Variants in CNTN6 observed in about 807,000 individuals in gnomAD.
CNTN6 encodes the protein contactin-6.
Under a neutral mutation model 122.8 loss-of-function variants are expected in CNTN6, and 137 were observed. That is an observed-to-expected ratio of 1.12 (90% CI 0.97 to 1.29). CNTN6 has a LOEUF of 1.29. Ranked by LOEUF, CNTN6 falls within the 50% of genes most tolerant of loss-of-function variation. CNTN6 has a pLI of 0.00. For synonymous variants in CNTN6, 570 were observed against 426.0 expected, an observed-to-expected ratio of 1.34 and a Z score of -4.16; for missense variants, 1,634 against 1,223.4, an observed-to-expected ratio of 1.34 and a Z score of -5.01.
intron 1 of CNTN6, among the ~76,000 whole-genome samples, chr3:1,127,312 T>C (rs981150073): frequency 2.0e-5 from 3 of 151,810 alleles, no homozygotes; most frequent in Admixed American, 6.6e-5. Context: ...TACTAGTATA[T>C]ACCAATGACA....
At chr3:1,242,587 C>T (rs557420844) in intron 4 of CNTN6, among the ~76,000 whole-genome samples, 13 of 152,116 alleles carry the variant, frequency 8.5e-5, no homozygotes, top group Middle Eastern at 6.8e-3. Context: ...TAGATTTTAA[C>T]GGGATGGTAA....
chr3:1,321,682 A>T lies in CNTN6; in HGVS notation c.794A>T (p.Asp265Val). The change falls in exon 8 of 23, where the codon GAC becomes GTC. Residue 265 changes from aspartate (D) to valine (V), a missense_variant. Physicochemically the swap from Asp to Val is radical, Grantham distance 152. Coordinates refer to ENST00000446702, the MANE Select transcript of CNTN6 (RefSeq NM_001289080.2). ...PVPDISWRRL[D>V]GSPLPGKVKY... The stretch of plus-strand genomic sequence containing the variant: ...CCCGATATTAGTTGGAGAAGGTTGG[A>T]CGGGAGCCCGTTGCCAGGGAAAGTC... The T allele has an allele frequency of 6.2e-7, 1 of 1,611,504 alleles. No homozygotes were observed. Among genetic ancestry groups the T allele is most frequent in the South Asian group, 1.1e-5 (1 of 90,986 alleles).
chr3:1,119,210 G>A (rs1331069733), intron 1 of CNTN6, among the ~76,000 whole-genome samples: 1 of 150,746 alleles, frequency 6.6e-6, no homozygotes, highest in Admixed American at 6.6e-5. Flanking sequence ...TTTTTAAGTT[G>A]GTAGATGTAG....
At chr3:1,208,676 AC>A (rs1224610402) in intron 2 of CNTN6, among the ~76,000 whole-genome samples, 1 of 151,994 alleles carries the variant, frequency 6.6e-6, no homozygotes, top group Non-Finnish European at 1.5e-5. Context: ...GAGCCTCACC[AC>A]CCTTTAGCTA....
At chr3:1,166,664 C>T (rs2093256041) in intron 2 of CNTN6, among the ~76,000 whole-genome samples, 1 of 152,106 alleles carries the variant, frequency 6.6e-6, no homozygotes, top group African/African-American at 2.4e-5. Context: ...CAATTAAAGA[C>T]ACCTGTGGCA....
At chr3:1,287,603 G>A (rs950164987) in intron 5 of CNTN6, among the ~76,000 whole-genome samples, 1 of 152,202 alleles carries the variant, frequency 6.6e-6, no homozygotes, top group African/African-American at 2.4e-5. Flanking sequence ...GCTTTGCAAA[G>A]TACAAGTCAA....
intron 4 of CNTN6, among the ~76,000 whole-genome samples, chr3:1,241,184 T>C (rs2094478137): frequency 6.6e-6 from 1 of 152,156 alleles, no homozygotes; most frequent in African/African-American, 2.4e-5. Context: ...TCTGGATGTA[T>C]ACGTGCAAGT....
In CNTN6 at chr3:1,402,442, G is replaced by A. The variant is rs1443908733; in HGVS notation, c.2942G>A (p.Gly981Glu). Residue 981 changes from glycine (G) to glutamate (E), a missense_variant, in exon 22 of 23, where the codon GGA (glycine) becomes GAA (glutamate). Transcript: ENST00000446702. ...GAAATAAGAACAGTCAGTGATGGTG[G>A]AGATGGAAGCAGCAGTGAGGAAATT... The part of the protein sequence containing the change: ...LIEIRTVSDG[G>E]DGSSSEEIRI... The A allele has an allele frequency of 1.2e-6, 2 of 1,611,956 alleles. No homozygotes were observed. The highest frequency in any genetic ancestry group is 8.5e-7 in the Non-Finnish European group (1 of 1,178,572).
In CNTN6 at chr3:1,325,812, C is replaced by A; in HGVS notation, c.947-3C>A. ...AACAGTGGCACTTGCCTTTTTGAAA[C>A]AGCTCCTCCAGAATGGGAACAGAAA... On this transcript the variant is annotated splice_region_variant and splice_polypyrimidine_tract_variant and intron_variant, in intron 8 of 22. Transcript: ENST00000446702. 6.2e-7 allele frequency: 1 copy of A among 1,608,292 alleles called. No individual in the cohort carries two copies. The highest frequency in any genetic ancestry group is 8.5e-7 in the Non-Finnish European group (1 of 1,177,412).
At chr3:1,349,407 A>T (rs541109644) in intron 11 of CNTN6, among the ~76,000 whole-genome samples, 2,990 of 151,526 alleles carry the variant, frequency 0.02, 117 homozygotes, top group African/African-American at 0.068. Context: ...GTTTTTTTTT[A>T]AATGCCAGAG....
In CNTN6 at chr3:1,245,211, T is replaced by G. The variant is rs1374117250; in HGVS notation, c.358+17218T>G. ...AAAGAAAATGTGATATATATATATATATATATATATATATATATATATATA... is the reference window on the plus strand; with the variant it reads ...AAAGAAAATGTGATATATATATATAGATATATATATATATATATATATATA... On this transcript the variant is annotated intron_variant, in intron 4 of 22. Coordinates refer to ENST00000446702, the MANE Select transcript of CNTN6 (RefSeq NM_001289080.2). Among the ~76,000 whole-genome samples the G allele has an allele frequency of 2.2e-4, 5 of 22,350 alleles. 1 individual carries two copies. The highest frequency in any genetic ancestry group is 3.6e-4 in the Non-Finnish European group (5 of 13,964). The allele number at this position is 22,350 out of a possible 152,430, so 14.7% of individuals were successfully genotyped here. A position where few individuals can be genotyped will look rare whatever the true frequency, so the allele number is the denominator to read the frequency against.
intron 2 of CNTN6, among the ~76,000 whole-genome samples, chr3:1,199,980 G>C (rs2125421020): frequency 6.6e-6 from 1 of 152,250 alleles, no homozygotes; most frequent in Non-Finnish European, 1.5e-5. Context: ...GGAAAATTAA[G>C]ATAAAGGCCT....
At chr3:1,157,179 T>C (rs2092990907) in intron 2 of CNTN6, among the ~76,000 whole-genome samples, 1 of 145,486 alleles carries the variant, frequency 6.9e-6, no homozygotes, top group South Asian at 2.1e-4. Flanking sequence ...TCACAAACAA[T>C]CTAATTATAC....
intron 1 of CNTN6, among the ~76,000 whole-genome samples, chr3:1,128,669 C>T: frequency 6.6e-6 from 1 of 151,938 alleles, no homozygotes; most frequent in East Asian, 1.9e-4. Flanking sequence ...AGTCACTATT[C>T]ACCTATTCTA....
At chr3:1,264,007 G>T (rs2094888516) in intron 4 of CNTN6, among the ~76,000 whole-genome samples, 1 of 151,706 alleles carries the variant, frequency 6.6e-6, no homozygotes, top group African/African-American at 2.4e-5. Context: ...GGCCATCGGG[G>T]GAAGAAACTC....
intron 11 of CNTN6, among the ~76,000 whole-genome samples, chr3:1,340,560 C>T (rs1046604109): frequency 6.6e-6 from 1 of 152,062 alleles, no homozygotes; most frequent in Admixed American, 6.6e-5. Flanking sequence ...GTTAAAGTCG[C>T]TAAGCCCCAC....
chr3:1,233,937 G>A (rs1192454541), intron 4 of CNTN6, among the ~76,000 whole-genome samples: 1 of 151,854 alleles, frequency 6.6e-6, no homozygotes, highest in African/African-American at 2.4e-5. Context: ...ATTTTAAATG[G>A]TTCAAGGTTA....
intron 2 of CNTN6, among the ~76,000 whole-genome samples, chr3:1,176,314 G>A (rs2093447196): frequency 6.6e-6 from 1 of 152,186 alleles, no homozygotes; most frequent in East Asian, 1.9e-4. Context: ...CTACTCGGGA[G>A]GCTGAGGCAC....
chr3:1,313,396 C>G (rs2125933724), intron 7 of CNTN6, among the ~76,000 whole-genome samples: 1 of 152,104 alleles, frequency 6.6e-6, no homozygotes, highest in South Asian at 2.1e-4. Context: ...TGTTCATAAT[C>G]TTGGTATTAA....
Sources: allele counts gnomAD v4.1 joint callset (sites outside exome capture counted in the v4.1 genomes callset), GRCh38; gene constraint gnomAD v4.1.1; transcripts MANE v1.5; gene names NCBI Gene and HGNC (gene_info 2026-07-23, HGNC 2026-07-21).